ANGPT4: variants seen among roughly 807,000 people sequenced by gnomAD.
ANGPT4 encodes angiopoietin 4, also known as angiopoietin-4.
A neutral mutation model predicts 53.0 loss-of-function variants in ANGPT4; 50 were observed. The observed-to-expected ratio is 0.94, with a 90% CI of 0.75 to 1.20. The LOEUF is 1.20. Ranked by LOEUF, ANGPT4 falls within the 50% of genes most tolerant of loss-of-function variation. The probability of loss-of-function intolerance (pLI) is 0.00; values close to 1 mark genes in which losing one functional copy is unlikely to be tolerated. For synonymous variants in ANGPT4, 251 were observed against 259.7 expected (o/e 0.97, Z 0.32); for missense variants, 648 against 637.1 (o/e 1.02, Z -0.18).
intron 1 of ANGPT4, among the ~76,000 whole-genome samples, chr20:909,382 C>A (rs547692804): frequency 6.6e-6 from 1 of 152,084 alleles, no homozygotes; most frequent in African/African-American, 2.4e-5. Flanking sequence ...CAAACCCAGG[C>A]GATGTGTGTA....
In ANGPT4 at chr20:908,381, G is replaced by C. The variant is rs564121; in HGVS notation, c.309+7525C>G. ...CCAGGGCCTTTGCACTTGCTGTCCC[G>C]TGTGCCTGGAATGCTTTTGCTTCCT... is the stretch of plus-strand genomic sequence containing the variant. On this transcript the variant is annotated intron_variant, in intron 1 of 8. Transcript: ENST00000381922. This position sits in a 1 kb window ranked among gnomAD's most constrained non-coding sequence, Gnocchi z 4.9. 0.36 allele frequency among the ~76,000 whole-genome samples: 54,596 copies of C among 152,028 alleles called. 13,993 individuals carry two copies. The highest frequency in any genetic ancestry group is 0.73 in the African/African-American group (30,468 of 41,486).
intron 1 of ANGPT4, among the ~76,000 whole-genome samples, chr20:896,120 T>C (rs1052513510): frequency 2.6e-5 from 4 of 152,162 alleles, no homozygotes; most frequent in African/African-American, 9.7e-5. Flanking sequence ...ATATGTAACA[T>C]TAAATAGATC....
chr20:892,634 A>C (rs6108123), intron 1 of ANGPT4, among the ~76,000 whole-genome samples: 74,685 of 150,414 alleles, frequency 0.5, 20,417 homozygotes, highest in African/African-American at 0.73. Context: ...TATAGCCCAT[A>C]GTGCTCATCC....
chr20:887,025 T>C (rs972754919), intron 3 of ANGPT4, among the ~76,000 whole-genome samples: 5 of 152,214 alleles, frequency 3.3e-5, no homozygotes, highest in African/African-American at 1.2e-4. Context: ...GTTGGTTGAA[T>C]GAATGGAAGG....
intron 1 of ANGPT4, among the ~76,000 whole-genome samples, chr20:903,405 C>T (rs1369585145): frequency 1.3e-5 from 2 of 152,274 alleles, no homozygotes; most frequent in Non-Finnish European, 2.9e-5. Context: ...TTGCCACTTC[C>T]ACCCCAGTCC....
intron 6 of ANGPT4, among the ~76,000 whole-genome samples, chr20:879,507 T>A (rs543898521): frequency 1.6e-4 from 25 of 152,124 alleles, no homozygotes; most frequent in Middle Eastern, 3.4e-3. Context: ...TGTATTTTTT[T>A]AAAAAAAATT....
chr20:876,757 G>T (rs935656604), intron 7 of ANGPT4, among the ~76,000 whole-genome samples: 1 of 152,006 alleles, frequency 6.6e-6, no homozygotes, highest in Non-Finnish European at 1.5e-5. Context: ...CACTGGTCAG[G>T]TGTGAGGAGT....
chr20:909,691 T>A lies in ANGPT4; in HGVS notation c.309+6215A>T, dbSNP rs116619408. 4.9e-3 allele frequency among the ~76,000 whole-genome samples: 740 copies of A among 152,196 alleles called. 6 individuals carry two copies. The highest frequency in any genetic ancestry group is 0.017 in the African/African-American group (704 of 41,512). On this transcript the variant is annotated intron_variant, in intron 1 of 8. Coordinates refer to ENST00000381922, the MANE Select transcript of ANGPT4 (RefSeq NM_015985.4). ...TCACTTCACAGATAAGGAAACCGAG[T>A]CACAGAGTGGAAAAGCAATGGTCTG...
intron 2 of ANGPT4, among the ~76,000 whole-genome samples, chr20:888,954 C>T (rs1248661879): frequency 6.6e-6 from 1 of 152,214 alleles, no homozygotes; most frequent in African/African-American, 2.4e-5. Flanking sequence ...TGTGATCTGT[C>T]CCTATCACTT....
In ANGPT4 at chr20:899,373, G is replaced by A. The variant is rs989315156; in HGVS notation, c.310-9005C>T. On this transcript the variant is annotated intron_variant, in intron 1 of 8. Transcript: ENST00000381922. Reference sequence around the variant, plus strand: ...TGCCATTCTCCTGCCTCAGCCTCCCGAGTAGCTGGGACTACAGGTGCCTGC... The same window carrying A: ...TGCCATTCTCCTGCCTCAGCCTCCCAAGTAGCTGGGACTACAGGTGCCTGC... Among the ~76,000 whole-genome samples, 27 of 151,692 alleles carry A rather than the reference G, an allele frequency of 1.8e-4. 1 individual carries two copies. Among genetic ancestry groups the A allele is most frequent in the African/African-American group, 5.1e-4 (21 of 41,268 alleles).
intron 1 of ANGPT4, among the ~76,000 whole-genome samples, chr20:903,468 C>T (rs1454007180): frequency 6.6e-6 from 1 of 152,202 alleles, no homozygotes; most frequent in Admixed American, 6.5e-5. Context: ...CTGTCAGCAT[C>T]TGTCATTGCT....
At chr20:912,908 T>C (rs1207142866) in intron 1 of ANGPT4, among the ~76,000 whole-genome samples, 1 of 152,188 alleles carries the variant, frequency 6.6e-6, no homozygotes, top group Non-Finnish European at 1.5e-5. Context: ...CTGCAGTTTG[T>C]AGTGAGAATC....
intron 4 of ANGPT4, among the ~76,000 whole-genome samples, chr20:883,011 C>A (rs1406019878): frequency 6.6e-6 from 1 of 152,236 alleles, no homozygotes; most frequent in Non-Finnish European, 1.5e-5. Context: ...CAGTTTCCCT[C>A]GCTTTTGTGC....
At chr20:891,923 C>T (rs73078191) in intron 1 of ANGPT4, among the ~76,000 whole-genome samples, 91 of 152,292 alleles carry the variant, frequency 6.0e-4, no homozygotes, top group Middle Eastern at 6.8e-3. Context: ...CCACCGCAGA[C>T]CTCCTGAACC....
At chr20:888,591 C>T in intron 2 of ANGPT4, 152 bp from the exon 3 acceptor site, 1 of 1,304,018 alleles carries the variant, frequency 7.7e-7, no homozygotes. Flanking sequence ...CTCACAGGCC[C>T]TGACTTAAGC....
At chr20:879,685 C>T (rs1297504282) in intron 6 of ANGPT4, 62 bp downstream of exon 6, 2 of 1,455,932 alleles carry the variant, frequency 1.4e-6, no homozygotes, top group African/African-American at 1.4e-5. Flanking sequence ...CCCCTTCCAA[C>T]AGCCCAGCCC....
chr20:881,509 G>C (rs752102477), intron 4 of ANGPT4, among the ~76,000 whole-genome samples: 1 of 152,138 alleles, frequency 6.6e-6, no homozygotes, highest in Non-Finnish European at 1.5e-5. Flanking sequence ...TGTTCCAGGC[G>C]GAAGAAACAG....
chr20:906,480 G>T (rs773411361), intron 1 of ANGPT4, among the ~76,000 whole-genome samples: 1 of 152,250 alleles, frequency 6.6e-6, no homozygotes, highest in African/African-American at 2.4e-5. Flanking sequence ...GATAAGAAAT[G>T]TTTGTTGTTA....
At chr20:915,338 A>T (rs975738500) in intron 1 of ANGPT4, among the ~76,000 whole-genome samples, 1 of 151,754 alleles carries the variant, frequency 6.6e-6, no homozygotes, top group Non-Finnish European at 1.5e-5. Flanking sequence ...TTCTCCAGGC[A>T]CACACCGCTG....
Sources: gnomAD v4.1 joint callset for allele counts (sites outside exome capture counted in the v4.1 genomes callset) on GRCh38, gnomAD v4.1.1 for gene constraint, Gnocchi (gnomAD v3.1) non-coding constraint, MANE v1.5 for transcripts, NCBI Gene and HGNC (gene_info 2026-07-23, HGNC 2026-07-21) for gene names.